Variants in NAV2 observed in about 807,000 individuals in gnomAD.
NAV2 encodes the protein helicase, APC down-regulated 1.
NAV2 carries 54 observed loss-of-function variants against 223.2 expected under a neutral mutation model. The observed-to-expected ratio is 0.24, with a 90% CI of 0.19 to 0.30. The LOEUF is 0.30. NAV2 is among the 10% of genes least tolerant of loss of function. NAV2 has a pLI of 1.00. For synonymous variants in NAV2, 1,279 were observed against 1,239.3 expected (o/e 1.03, Z -0.67); for missense variants, 2,806 against 3,147.5 (o/e 0.89, Z 2.60).
chr11:20,021,566 G>A (rs1312039202), intron 11 of NAV2, among the ~76,000 whole-genome samples: 1 of 152,120 alleles, frequency 6.6e-6, no homozygotes, highest in African/African-American at 2.4e-5. Flanking sequence ...CAGTTCCAGG[G>A]ACAGCATAGA....
chr11:19,530,116 A>C (rs1446347582), intron 1 of NAV2, among the ~76,000 whole-genome samples: 2 of 152,180 alleles, frequency 1.3e-5, no homozygotes, highest in Admixed American at 1.3e-4. Flanking sequence ...GGAAGTGGTG[A>C]GGAAGATCAC....
rs541552305 is a variant in NAV2, at chr11:19,870,341, G to A, written c.511+1344G>A. Among the ~76,000 whole-genome samples, 5 of 152,278 alleles carry A rather than the reference G, an allele frequency of 3.3e-5. No homozygotes were observed. In the South Asian group the frequency reaches 1.0e-3, roughly 32 times the overall value. ...CTCCTGGTAGAGAGTTCTTGTGCTG[G>A]CTGGTAGGTGGCAGGGCATACTCGT... On this transcript the variant is annotated intron_variant, in intron 4 of 37. Transcript: ENST00000349880.
intron 8 of NAV2, among the ~76,000 whole-genome samples, chr11:19,943,581 A>T (rs142842819): frequency 3.2e-4 from 48 of 152,292 alleles, no homozygotes; most frequent in African/African-American, 1.1e-3. Flanking sequence ...TCTCAGAAGA[A>T]AAGTTAATTC....
At chr11:20,009,559 G>C (rs2053394415) in intron 11 of NAV2, among the ~76,000 whole-genome samples, 1 of 152,160 alleles carries the variant, frequency 6.6e-6, no homozygotes, top group South Asian at 2.1e-4. Context: ...GAATTGGGAA[G>C]CAGAGCTGGA....
At chr11:19,443,821 T>G (rs1851487978) in intron 1 of NAV2, among the ~76,000 whole-genome samples, 2 of 152,178 alleles carry the variant, frequency 1.3e-5, no homozygotes, top group South Asian at 4.1e-4. Context: ...CATCTATGTT[T>G]TAGAGTTCAG....
intron 6 of NAV2, among the ~76,000 whole-genome samples, chr11:19,923,857 A>G (rs1761421311): frequency 6.6e-6 from 1 of 152,228 alleles, no homozygotes; most frequent in African/African-American, 2.4e-5. Context: ...AATTAAAGCA[A>G]AAGTTTTCTC....
At chr11:20,053,222 A>G (rs1179948180) in intron 17 of NAV2, among the ~76,000 whole-genome samples, 29 of 148,950 alleles carry the variant, frequency 1.9e-4, no homozygotes, top group African/African-American at 7.1e-4. Context: ...CGTCTCGAAA[A>G]AAAAAAAAAA....
At position 19,887,012 on chromosome 11, in the gene NAV2, C is replaced by A. The variant is rs190314161; in HGVS notation, c.771-5422C>A. 2.0e-5 allele frequency among the ~76,000 whole-genome samples: 3 copies of A among 152,140 alleles called. No homozygotes were observed. In the East Asian group the frequency reaches 5.8e-4, roughly 29 times the overall value. On this transcript the variant is annotated intron_variant, in intron 5 of 37. Transcript: ENST00000349880. ...CCCTTTCCCCACCCCCAGCCTTGAGCAGGATCCTGTGAAGAATTTTAGCTG... is the reference window on the plus strand; with the variant it reads ...CCCTTTCCCCACCCCCAGCCTTGAGAAGGATCCTGTGAAGAATTTTAGCTG...
chr11:19,847,642 A>G (rs1012028505), intron 3 of NAV2, among the ~76,000 whole-genome samples: 8 of 152,254 alleles, frequency 5.3e-5, no homozygotes, highest in African/African-American at 1.7e-4. Context: ...TACATACCTC[A>G]TAAAGATTTC....
chr11:19,938,385 C>G (rs2046101501), intron 7 of NAV2, among the ~76,000 whole-genome samples: 1 of 152,168 alleles, frequency 6.6e-6, no homozygotes. Flanking sequence ...GTGAGTGGGC[C>G]TGTGGCAGAG....
intron 1 of NAV2, among the ~76,000 whole-genome samples, chr11:19,644,935 A>G (rs1305500223): frequency 6.6e-6 from 1 of 152,256 alleles, no homozygotes; most frequent in African/African-American, 2.4e-5. Flanking sequence ...TGCCTGGAGC[A>G]TTGTATTGAA....
chr11:19,645,541 G>T (rs2047792349), intron 1 of NAV2, among the ~76,000 whole-genome samples: 1 of 152,076 alleles, frequency 6.6e-6, no homozygotes, highest in African/African-American at 2.4e-5. Context: ...GGTTTGGGGT[G>T]ATAAGGATGC....
intron 1 of NAV2, among the ~76,000 whole-genome samples, chr11:19,460,536 A>G (rs985254065): frequency 6.6e-6 from 1 of 151,866 alleles, no homozygotes; most frequent in Non-Finnish European, 1.5e-5. Context: ...CAGGTGAGCA[A>G]ACTATCGCAA....
chr11:19,855,501 G>A (rs2061365642), intron 3 of NAV2, among the ~76,000 whole-genome samples: 3 of 152,160 alleles, frequency 2.0e-5, no homozygotes, highest in African/African-American at 7.2e-5. Flanking sequence ...TCTTGGGTGA[G>A]AGGGCTCCCA....
At chr11:20,072,299 A>C (rs1365491448) in intron 22 of NAV2, among the ~76,000 whole-genome samples, 2 of 151,966 alleles carry the variant, frequency 1.3e-5, no homozygotes, top group South Asian at 2.1e-4. Context: ...TGGTCTATAT[A>C]TCTGTTTTGG....
At chr11:20,036,879 G>A (rs2056424431) in intron 12 of NAV2, among the ~76,000 whole-genome samples, 1 of 152,106 alleles carries the variant, frequency 6.6e-6, no homozygotes, top group South Asian at 2.1e-4. Context: ...CAAGGCACTG[G>A]AGTTTTCCAT....
At chr11:19,597,578 A>T (rs1388637106) in intron 1 of NAV2, among the ~76,000 whole-genome samples, 1 of 152,234 alleles carries the variant, frequency 6.6e-6, no homozygotes, top group Admixed American at 6.5e-5. Flanking sequence ...GTGGCTGCAG[A>T]GCCTGGTGCA....
rs78952234 is a variant in NAV2 at position 19,479,124 on chromosome 11, C to T, written c.75+128097C>T. On this transcript the variant is annotated intron_variant, in intron 1 of 37. Transcript: ENST00000360655. ...TCATTTGGTGGCCCAGTCACTGTGT[C>T]GGGTATAATTAACCAAGCTGAAAGG... Among the ~76,000 whole-genome samples, 794 of 152,040 alleles carry T rather than the reference C, an allele frequency of 5.2e-3. 3 individuals carry two copies. The highest frequency in any genetic ancestry group is 0.018 in the African/African-American group (762 of 41,436).
intron 1 of NAV2, among the ~76,000 whole-genome samples, chr11:19,553,509 C>CCACA (rs112504639): frequency 1.3e-5 from 2 of 151,198 alleles, no homozygotes; most frequent in Non-Finnish European, 2.9e-5. Flanking sequence ...GTAATGCAGA[C>CCACA]CACACACACA....
Sources: gnomAD v4.1 joint callset for allele counts (sites outside exome capture counted in the v4.1 genomes callset) on GRCh38, gnomAD v4.1.1 for gene constraint, MANE v1.5 for transcripts, NCBI Gene and HGNC (gene_info 2026-07-23, HGNC 2026-07-21) for gene names.